TBCK: variants seen among roughly 807,000 people sequenced by gnomAD.
The protein encoded by TBCK is TBC domain-containing protein kinase-like protein.
A neutral mutation model predicts 113.4 loss-of-function variants in TBCK; 99 were observed. That is an observed-to-expected ratio of 0.87 (90% confidence interval 0.74 to 1.03). The LOEUF (loss-of-function observed/expected upper bound fraction) is 1.03, where lower values mean the gene tolerates loss of function less well. Among genes scored for constraint, TBCK ranks in the 50% least tolerant of loss-of-function variants. The pLI, the probability that TBCK is intolerant of heterozygous loss-of-function variation, is 0.00. For missense variants in TBCK, 1,045 were observed against 1,061.3 expected, an observed-to-expected ratio of 0.98 and a Z score of 0.21; for synonymous variants, 369 against 370.8, an observed-to-expected ratio of 1.00 and a Z score of 0.05.
At chr4:106,290,164 A>C (rs1039338487) in intron 3 of TBCK, among the ~76,000 whole-genome samples, 1 of 152,022 alleles carries the variant, frequency 6.6e-6, no homozygotes, top group Non-Finnish European at 1.5e-5. Flanking sequence ...TGAGCAAGGA[A>C]TAATATATTA....
chr4:106,247,496 T>C, intron 9 of TBCK: 1 of 462,744 alleles, frequency 2.2e-6, no homozygotes, highest in Non-Finnish European at 3.7e-6. Flanking sequence ...ACTTATGTTG[T>C]ACTTTACCTC....
At chr4:106,132,987 T>A (rs1483016502) in intron 23 of TBCK, among the ~76,000 whole-genome samples, 2 of 152,244 alleles carry the variant, frequency 1.3e-5, no homozygotes, top group Non-Finnish European at 2.9e-5. Flanking sequence ...CAGAAAGGAC[T>A]TGCCTTGTCT....
intron 24 of TBCK, among the ~76,000 whole-genome samples, chr4:106,110,378 CAGTCAGTA>C (rs1167571483): frequency 6.6e-6 from 1 of 152,176 alleles, no homozygotes; most frequent in East Asian, 1.9e-4. Flanking sequence ...AAAGACTGCG[CAGTCAGTA>C]AGTCAGTAAG....
chr4:106,236,750 T>C lies in TBCK; in HGVS notation c.1220+9A>G. 6.2e-6 allele frequency: 9 copies of C among 1,460,598 alleles called. No homozygotes were observed. The highest frequency in any genetic ancestry group is 1.4e-5 in the South Asian group (1 of 69,548). 90.5% of individuals were successfully genotyped at this position (1,460,598 alleles called of 1,614,324 possible). On this transcript the variant is annotated intron_variant, in intron 13 of 25. Transcript: ENST00000394708. ...AAAATAAATCTAAAATGAGACTACA[T>C]ATACTCACTCATCTTCAAGTAATGG...
chr4:106,163,481 A>G (rs1447918292), intron 23 of TBCK: 2 of 152,124 alleles, frequency 1.3e-5, no homozygotes, highest in Non-Finnish European at 2.9e-5. Flanking sequence ...TATTTAATAT[A>G]TTAGTTTGTT....
At chr4:106,312,319 CAT>C (rs1389209591) in intron 1 of TBCK, among the ~76,000 whole-genome samples, 2 of 152,076 alleles carry the variant, frequency 1.3e-5, no homozygotes, top group Non-Finnish European at 2.9e-5. Flanking sequence ...AAGTCACAAA[CAT>C]ATTTTCACAC....
intron 25 of TBCK, among the ~76,000 whole-genome samples, chr4:106,068,373 T>C (rs1736918297): frequency 6.6e-6 from 1 of 152,026 alleles, no homozygotes; most frequent in South Asian, 2.1e-4. Flanking sequence ...CATTGTTCAA[T>C]TCCCACCTAT....
At chr4:106,229,187 T>G (rs1469521269) in intron 19 of TBCK, among the ~76,000 whole-genome samples, 1 of 151,916 alleles carries the variant, frequency 6.6e-6, no homozygotes, top group African/African-American at 2.4e-5. Flanking sequence ...TTTCTCCCAT[T>G]CTGTGAGTTG....
chr4:106,114,591 G>A (rs571318635), intron 24 of TBCK, among the ~76,000 whole-genome samples: 3 of 152,144 alleles, frequency 2.0e-5, no homozygotes, highest in Non-Finnish European at 2.9e-5. Context: ...CCTCTAGCCC[G>A]CTTTTTCACT....
chr4:106,245,100 A>G (rs1297501772), intron 10 of TBCK, among the ~76,000 whole-genome samples: 1 of 152,172 alleles, frequency 6.6e-6, no homozygotes, highest in African/African-American at 2.4e-5. Flanking sequence ...AACCAGTGCC[A>G]AGTTTGGAAA....
intron 23 of TBCK, among the ~76,000 whole-genome samples, chr4:106,164,838 T>C (rs1387009201): frequency 6.6e-6 from 1 of 151,742 alleles, no homozygotes; most frequent in Non-Finnish European, 1.5e-5. Flanking sequence ...ACCAAAAGTA[T>C]AAAAATGTGC....
chr4:106,120,792 C>G (rs1376029309), intron 23 of TBCK, among the ~76,000 whole-genome samples: 1 of 152,124 alleles, frequency 6.6e-6, no homozygotes, highest in Non-Finnish European at 1.5e-5. Flanking sequence ...ACAGAAAGGA[C>G]ATCCACACCA....
At chr4:106,194,822 C>A in intron 20 of TBCK, 68 bp from the exon 21 acceptor site, 1 of 1,299,300 alleles carries the variant, frequency 7.7e-7, no homozygotes, top group South Asian at 1.4e-5. Context: ...AGAATGATTA[C>A]CAATAAACTA....
At chr4:106,167,955 A>G (rs80136007) in intron 23 of TBCK, among the ~76,000 whole-genome samples, 2,610 of 151,946 alleles carry the variant, frequency 0.017, 35 homozygotes, top group Middle Eastern at 0.099. Flanking sequence ...AACTGTCTAC[A>G]ATTTCTTTGA....
At chr4:106,276,958 TA>T (rs1764093340) in intron 3 of TBCK, among the ~76,000 whole-genome samples, 1 of 151,884 alleles carries the variant, frequency 6.6e-6, no homozygotes, top group African/African-American at 2.4e-5. Flanking sequence ...AATCTAACAA[TA>T]TGTATGTAGA....
Position 106,250,426 on chromosome 4 carries a change from A to G in TBCK, c.650T>C (p.Leu217Pro), listed in dbSNP as rs1393218101. Residue 217 changes from leucine (L) to proline (P), a missense_variant, in exon 7 of 26, where the codon CTT becomes CCT. Leu to Pro is a moderately conservative substitution (Grantham distance 98, BLOSUM62 -3). Transcript: ENST00000394708. ...AATTGTACGACACTTACCCAAAGTA[A>G]GCAAAAATTTTAGTCTTTCAGAAAT... ...LDISERLKFLLTLDCVDDTLI... is the reference protein window; with the variant it reads ...LDISERLKFLPTLDCVDDTLI... 2 of 1,566,900 alleles carry G rather than the reference A, an allele frequency of 1.3e-6. No homozygotes were observed. The highest frequency in any genetic ancestry group is 2.7e-5 in the African/African-American group (2 of 73,480).
chr4:106,121,957 T>C (rs1185821363), intron 23 of TBCK, among the ~76,000 whole-genome samples: 2 of 151,854 alleles, frequency 1.3e-5, no homozygotes, highest in African/African-American at 2.4e-5. Flanking sequence ...ACATCACAAT[T>C]AAAAGAACTA....
rs2150010260 is a variant in TBCK at position 106,236,449 on chromosome 4, TG to T, written c.1290del (p.Arg431GlufsTer9). ...AGTTGGTACTCTGTATCCTTCTCTC[TG>T]ATGATTAAAGGGAGCGTGGCAGCTG... ...LSAAATLPLI[I>X]REKDTEYQLN... is the part of the protein sequence containing the mutation. On this transcript the variant is annotated frameshift_variant, in exon 14 of 26. Coordinates refer to ENST00000394708, the MANE Select transcript of TBCK (RefSeq NM_001163435.3). LOFTEE classifies it high-confidence loss of function. 1.3e-6 allele frequency: 2 copies of T among 1,577,770 alleles called. No individual in the cohort carries two copies. The highest frequency in any genetic ancestry group is 2.4e-5 in the South Asian group (2 of 84,040).
intron 3 of TBCK, among the ~76,000 whole-genome samples, chr4:106,277,464 T>C (rs2125769501): frequency 6.6e-6 from 1 of 151,672 alleles, no homozygotes; most frequent in African/African-American, 2.4e-5. Flanking sequence ...CAAGAGAAAA[T>C]TGAAAAACAA....
Sources: allele counts gnomAD v4.1 joint callset (sites outside exome capture counted in the v4.1 genomes callset), GRCh38; gene constraint gnomAD v4.1.1; transcripts MANE v1.5; gene names NCBI Gene and HGNC (gene_info 2026-07-23, HGNC 2026-07-21).